The following NEGR1 variants were observed in gnomAD, a reference collection of about 807,000 sequenced individuals.
NEGR1 encodes IgLON family member 4.
NEGR1 carries 10 observed loss-of-function variants against 40.9 expected under a neutral mutation model. That is an observed-to-expected ratio of 0.24 (90% confidence interval 0.15 to 0.42). The LOEUF is 0.42. NEGR1 is among the 10% of genes least tolerant of loss of function. The probability of loss-of-function intolerance (pLI) is 1.00; values close to 1 mark genes in which losing one functional copy is unlikely to be tolerated. For missense variants in NEGR1, 352 were observed against 438.9 expected, an observed-to-expected ratio of 0.80 and a Z score of 1.77; for synonymous variants, 185 against 166.8, an observed-to-expected ratio of 1.11 and a Z score of -0.84.
chr1:71,757,360 C>T (rs1302397089), intron 3 of NEGR1, among the ~76,000 whole-genome samples: 1 of 151,924 alleles, frequency 6.6e-6, no homozygotes, highest in African/African-American at 2.4e-5. Context: ...GATAATTTGC[C>T]AAAATTAATA....
chr1:71,609,292 G>A (rs1011032197), intron 5 of NEGR1, among the ~76,000 whole-genome samples: 3 of 151,492 alleles, frequency 2.0e-5, no homozygotes, highest in Admixed American at 2.0e-4. Flanking sequence ...GAGGCGGGTG[G>A]ATCACAAGGT....
Position 71,396,325 on chromosome 1 carries a change from C to A in NEGR1, c.*11121G>T, listed in dbSNP as rs1037670406. On this transcript the variant is annotated 3_prime_UTR_variant, in exon 7 of 7. Coordinates refer to ENST00000357731, the MANE Select transcript of NEGR1 (RefSeq NM_173808.3). The stretch of plus-strand genomic sequence containing the variant: ...ACCAGGTAATTCTTTTTAGACAGCT[C>A]TTCAGAGGTCACCTAAATCATATTT... 6.6e-6 allele frequency: 1 copy of A among 152,152 alleles called. No individual in the cohort carries two copies. The highest frequency in any genetic ancestry group is 2.4e-5 in the African/African-American group (1 of 41,426). The allele number at this position is 152,152 out of a possible 1,614,324, so 9.4% of individuals were successfully genotyped here. A position where few individuals can be genotyped will look rare whatever the true frequency, so the allele number is the denominator to read the frequency against.
intron 1 of NEGR1, among the ~76,000 whole-genome samples, chr1:72,079,179 T>G (rs1330927544): frequency 6.6e-6 from 1 of 150,726 alleles, no homozygotes; most frequent in Admixed American, 6.6e-5. Flanking sequence ...AATACTAATT[T>G]AAGTTAAAAA....
chr1:72,166,810 T>G (rs114638408), intron 1 of NEGR1, among the ~76,000 whole-genome samples: 1 of 152,202 alleles, frequency 6.6e-6, no homozygotes, highest in African/African-American at 2.4e-5. Flanking sequence ...TATTTTAAAT[T>G]TATACATATA....
intron 2 of NEGR1, among the ~76,000 whole-genome samples, chr1:71,850,827 G>T (rs1439023151): frequency 1.3e-5 from 2 of 151,980 alleles, no homozygotes; most frequent in Non-Finnish European, 2.9e-5. Flanking sequence ...TCTAACACTG[G>T]TTTTTGGAAA....
intron 4 of NEGR1, among the ~76,000 whole-genome samples, chr1:71,690,232 ATTAATTCAGT>A (rs2101620895): frequency 6.6e-6 from 1 of 152,088 alleles, no homozygotes; most frequent in South Asian, 2.1e-4. Context: ...ACCCAAGGGG[ATTAATTCAGT>A]ATTGTTCATT....
At chr1:71,816,911 T>C (rs929708653) in intron 2 of NEGR1, among the ~76,000 whole-genome samples, 24 of 150,906 alleles carry the variant, frequency 1.6e-4, no homozygotes, top group African/African-American at 5.6e-4. Flanking sequence ...TTTTAATCAA[T>C]ACTGTCACTT....
intron 4 of NEGR1, among the ~76,000 whole-genome samples, chr1:71,693,478 G>A (rs562693592): frequency 2.6e-5 from 4 of 151,646 alleles, no homozygotes; most frequent in South Asian, 4.2e-4. Flanking sequence ...AGCAAAATCC[G>A]TTTCCACATA....
intron 4 of NEGR1, 119 bp downstream of exon 4, chr1:71,697,889 T>G: frequency 2.3e-6 from 2 of 866,088 alleles, no homozygotes; most frequent in Non-Finnish European, 3.6e-6. Context: ...TCAGTGTTAG[T>G]AGGTGATTTT....
At chr1:71,670,873 T>G (rs1205583854) in intron 4 of NEGR1, among the ~76,000 whole-genome samples, 1 of 151,972 alleles carries the variant, frequency 6.6e-6, no homozygotes, top group East Asian at 1.9e-4. Context: ...TAAAAAAGGC[T>G]GCAGAATGCT....
chr1:71,508,999 C>A (rs1186346078), intron 6 of NEGR1, among the ~76,000 whole-genome samples: 1 of 152,138 alleles, frequency 6.6e-6, no homozygotes, highest in East Asian at 1.9e-4. Flanking sequence ...ACTATTCCAA[C>A]CCCAAACCCT....
intron 6 of NEGR1, among the ~76,000 whole-genome samples, chr1:71,580,899 A>G (rs1436730850): frequency 6.6e-6 from 1 of 152,158 alleles, no homozygotes; most frequent in Non-Finnish European, 1.5e-5. Flanking sequence ...GTGGCATGCT[A>G]AAGCTGGCTT....
At chr1:72,079,416 T>C (rs753878695) in intron 1 of NEGR1, among the ~76,000 whole-genome samples, 41 of 152,012 alleles carry the variant, frequency 2.7e-4, no homozygotes, top group Non-Finnish European at 4.4e-4. Flanking sequence ...CATAGGAAAA[T>C]ATTATGTTAG....
chr1:71,507,305 G>A (rs1204874580), intron 6 of NEGR1, among the ~76,000 whole-genome samples: 1 of 152,146 alleles, frequency 6.6e-6, no homozygotes, highest in Non-Finnish European at 1.5e-5. Flanking sequence ...GAATTAGACA[G>A]GATAGGGGTC....
At chr1:72,127,685 G>A (rs1368670686) in intron 1 of NEGR1, among the ~76,000 whole-genome samples, 1 of 151,970 alleles carries the variant, frequency 6.6e-6, no homozygotes, top group Non-Finnish European at 1.5e-5. Context: ...TCAACAAGTA[G>A]TAGTTGACTG....
At chr1:71,539,586 G>A (rs992440719) in intron 6 of NEGR1, among the ~76,000 whole-genome samples, 7 of 151,708 alleles carry the variant, frequency 4.6e-5, no homozygotes, top group South Asian at 2.1e-4. Context: ...ATTCACAGAG[G>A]GCTAAGGATT....
At chr1:72,178,140 T>A (rs1652242119) in intron 1 of NEGR1, among the ~76,000 whole-genome samples, 1 of 151,096 alleles carries the variant, frequency 6.6e-6, no homozygotes, top group African/African-American at 2.5e-5. Context: ...TTTGTTTTTG[T>A]TCTTTTTTTT....
intron 1 of NEGR1, among the ~76,000 whole-genome samples, chr1:72,268,696 G>A (rs13375319): frequency 0.013 from 1,919 of 151,564 alleles, 40 homozygotes; most frequent in African/African-American, 0.044. Context: ...AAGGATTCTA[G>A]AATTTAGTAA....
At chr1:72,102,971 G>T (rs1271032927) in intron 1 of NEGR1, among the ~76,000 whole-genome samples, 1 of 152,016 alleles carries the variant, frequency 6.6e-6, no homozygotes, top group African/African-American at 2.4e-5. Flanking sequence ...TAGATAAGGG[G>T]AATAAAGATA....
Sources: allele counts gnomAD v4.1 joint callset (sites outside exome capture counted in the v4.1 genomes callset), GRCh38; gene constraint gnomAD v4.1.1; transcripts MANE v1.5; gene names NCBI Gene and HGNC (gene_info 2026-07-23, HGNC 2026-07-21).